Variants in CMC2 observed in about 807,000 individuals in gnomAD.
CMC2 encodes C-X9-C motif containing 2.
CMC2 carries 5 observed loss-of-function variants against 7.5 expected under a neutral mutation model. That is an observed-to-expected ratio of 0.66 (90% CI 0.35 to 1.40). The LOEUF (loss-of-function observed/expected upper bound fraction) is 1.40, where lower values mean the gene tolerates loss of function less well. Among genes scored for constraint, CMC2 ranks in the 40% most tolerant of loss-of-function variants. The probability of loss-of-function intolerance (pLI) is 0.04; values close to 1 mark genes in which losing one functional copy is unlikely to be tolerated. For missense variants in CMC2, 115 were observed against 92.3 expected (o/e 1.25, Z -1.01); for synonymous variants, 37 against 31.4 (o/e 1.18, Z -0.60).
rs7185393 is a variant in CMC2 at position 80,967,501 on chromosome 16, G to C, written c.*8592C>G. On this transcript the variant is annotated 3_prime_UTR_variant, in exon 4 of 4. Transcript: ENST00000219400. Reference sequence around the variant, plus strand: ...ACTACAGGCGCCCACTACCACGCCCGGATAATTTTTTGTATTTTTAGTAGA... The same window carrying C: ...ACTACAGGCGCCCACTACCACGCCCCGATAATTTTTTGTATTTTTAGTAGA... 1.3e-5 allele frequency: 2 copies of C among 152,028 alleles called. No homozygotes were observed. Among genetic ancestry groups the C allele is most frequent in the Admixed American group, 6.5e-5 (1 of 15,274 alleles). 9.4% of individuals were successfully genotyped at this position (152,028 alleles called of 1,614,324 possible). A position where few individuals can be genotyped will look rare whatever the true frequency, so the allele number is the denominator to read the frequency against.
chr16:80,997,378 G>T lies in CMC2; in HGVS notation c.17C>A (p.Ser6Tyr). The change falls in exon 2 of 4, where the codon TCT (serine) becomes TAT (tyrosine). Residue 6 changes from serine (S) to tyrosine (Y), a missense_variant. By Grantham distance (144) the Ser-to-Tyr change is moderately radical. Transcript: ENST00000219400. MHPDL[S>Y]PHLHTEECNV... is the part of the protein sequence containing the mutation. ...GCATTCTTCAGTGTGCAAGTGTGGA[G>T]ATAAGTCAGGATGCATCTTTAGGAG... is the stretch of plus-strand genomic sequence containing the variant. The T allele has an allele frequency of 6.2e-7, 1 of 1,612,258 alleles. No homozygotes were observed. The highest frequency in any genetic ancestry group is 1.3e-5 in the African/African-American group (1 of 74,990).
chr16:81,005,217 T>C lies in CMC2; in HGVS notation c.-36+1517A>G, dbSNP rs527389169. Among the ~76,000 whole-genome samples, 445 of 152,274 alleles carry C rather than the reference T, an allele frequency of 2.9e-3. 1 individual carries two copies. The highest frequency in any genetic ancestry group is 4.7e-3 in the Non-Finnish European group (321 of 68,016). On this transcript the variant is annotated intron_variant, in intron 1 of 3. Transcript: ENST00000219400. ...GCCGAGGCAGGCAGATCACTTGAGG[T>C]CAGGACAAGCCTGGCCAACATGGTG...
chr16:80,997,877 A>T (rs1459117753), intron 1 of CMC2: 1 of 152,224 alleles, frequency 6.6e-6, no homozygotes, highest in African/African-American at 2.4e-5. Context: ...TATTAGTGTG[A>T]ATATAGATTG....
rs553839185 is a variant in CMC2, at chr16:80,970,073, G to A, written c.*6020C>T. 6.6e-6 allele frequency: 1 copy of A among 152,128 alleles called. No individual in the cohort carries two copies. The highest frequency in any genetic ancestry group is 1.5e-5 in the Non-Finnish European group (1 of 68,012). The allele number at this position is 152,128 out of a possible 1,614,324, so 9.4% of individuals were successfully genotyped here. A position where few individuals can be genotyped will look rare whatever the true frequency, so the allele number is the denominator to read the frequency against. On this transcript the variant is annotated 3_prime_UTR_variant, in exon 4 of 4. Coordinates refer to ENST00000219400, the MANE Select transcript of CMC2 (RefSeq NM_020188.5). ...TTAAAAGGACAGTGTAGTAAGCAAT[G>A]ACAGACAGGTATTTAAATAACTTAC...
At chr16:80,994,418 C>A (rs1968244185) in intron 2 of CMC2, among the ~76,000 whole-genome samples, 1 of 80,844 alleles carries the variant, frequency 1.2e-5, no homozygotes, top group South Asian at 5.7e-4. Flanking sequence ...CTTTGAAACA[C>A]ATCCTAAAGG....
chr16:80,991,476 T>C (rs146786058), intron 2 of CMC2, among the ~76,000 whole-genome samples: 147 of 151,998 alleles, frequency 9.7e-4, no homozygotes, highest in Non-Finnish European at 1.8e-3. Context: ...TCTCTACAAA[T>C]ATACAAATAC....
chr16:80,971,552 CATACATACATTTTAT>C lies in CMC2; in HGVS notation c.*4526_*4540del, dbSNP rs1911914092. 2 of 108,564 alleles carry C rather than the reference CATACATACATTTTAT, an allele frequency of 1.8e-5. No individual in the cohort carries two copies. Among genetic ancestry groups the C allele is most frequent in the East Asian group, 2.5e-4 (1 of 3,930 alleles). 6.7% of individuals were successfully genotyped at this position (108,564 alleles called of 1,614,324 possible). On this transcript the variant is annotated 3_prime_UTR_variant, in exon 4 of 4. Coordinates refer to ENST00000219400, the MANE Select transcript of CMC2 (RefSeq NM_020188.5). The stretch of plus-strand genomic sequence containing the variant: ...AATAAAATATGGCTATGGATACTGA[CATACATACATTTTAT>C]ATATATATATATATATATGTATGAA...
chr16:80,986,612 A>T lies in CMC2; in HGVS notation c.82-4735T>A, dbSNP rs528844132. Among the ~76,000 whole-genome samples the T allele has an allele frequency of 3.8e-4, 58 of 152,366 alleles. 1 individual carries two copies. The highest frequency in any genetic ancestry group is 5.8e-4 in the East Asian group (3 of 5,192). On this transcript the variant is annotated intron_variant, in intron 2 of 3. Coordinates refer to ENST00000219400, the MANE Select transcript of CMC2 (RefSeq NM_020188.5). Reference sequence around the variant, plus strand: ...GGCCCCAATAAAAGTGTTGCCATGGACTATGGCAGTGGCACTGGCAAAGGA... The same window carrying T: ...GGCCCCAATAAAAGTGTTGCCATGGTCTATGGCAGTGGCACTGGCAAAGGA...
chr16:80,976,215 G>T (rs1912326846), intron 3 of CMC2, 36 bp from the exon 4 acceptor site: 1 of 1,113,218 alleles, frequency 9.0e-7, no homozygotes. Flanking sequence ...AAAAGAAACA[G>T]CAGATTATGT....
In CMC2 at chr16:80,972,624, A is replaced by C. The variant is rs1226129520; in HGVS notation, c.*3469T>G. ...ATTAATTCACTGTCACCAGAGCATCAAGGTTCACAACATTCTGCAAAACTA... is the reference window on the plus strand; with the variant it reads ...ATTAATTCACTGTCACCAGAGCATCCAGGTTCACAACATTCTGCAAAACTA... On this transcript the variant is annotated 3_prime_UTR_variant, in exon 4 of 4. Transcript: ENST00000219400. 6.6e-6 allele frequency: 1 copy of C among 152,222 alleles called. No homozygotes were observed. Among genetic ancestry groups the C allele is most frequent in the Non-Finnish European group, 1.5e-5 (1 of 68,042 alleles). The allele number at this position is 152,222 out of a possible 1,614,324, so 9.4% of individuals were successfully genotyped here. A position where few individuals can be genotyped will look rare whatever the true frequency, so the allele number is the denominator to read the frequency against.
rs1911890004 is a variant in CMC2 at position 80,971,249 on chromosome 16, A to T, written c.*4844T>A. 6.6e-6 allele frequency: 1 copy of T among 152,306 alleles called. No homozygotes were observed. The highest frequency in any genetic ancestry group is 6.5e-5 in the Admixed American group (1 of 15,290). The allele number at this position is 152,306 out of a possible 1,614,324, so 9.4% of individuals were successfully genotyped here. A position where few individuals can be genotyped will look rare whatever the true frequency, so the allele number is the denominator to read the frequency against. On this transcript the variant is annotated 3_prime_UTR_variant, in exon 4 of 4. Transcript: ENST00000219400. ...CTTACAGCCCAATAATTAAAATCCTAGGTTTATACCTAAAAACACTCTCCC... is the reference window on the plus strand; with the variant it reads ...CTTACAGCCCAATAATTAAAATCCTTGGTTTATACCTAAAAACACTCTCCC...
chr16:80,986,259 A>G (rs1967525812), intron 2 of CMC2, among the ~76,000 whole-genome samples: 1 of 152,188 alleles, frequency 6.6e-6, no homozygotes, highest in Non-Finnish European at 1.5e-5. Context: ...CTGAGGCAGG[A>G]GAATCGCTTG....
Position 80,971,661 on chromosome 16 carries a change from T to G in CMC2, c.*4432A>C, listed in dbSNP as rs1201788865. 1 of 149,658 alleles carries G rather than the reference T, an allele frequency of 6.7e-6. No individual in the cohort carries two copies. Among genetic ancestry groups the G allele is most frequent in the Non-Finnish European group, 1.5e-5 (1 of 67,716 alleles). 9.3% of individuals were successfully genotyped at this position (149,658 alleles called of 1,614,324 possible). ...AATATATCAAAGTCAGGGTAGTAGT[T>G]ACCACCAATAAAGAAATAAGTGGAA... On this transcript the variant is annotated 3_prime_UTR_variant, in exon 4 of 4. Transcript: ENST00000219400.
rs746677657 is a variant in CMC2, at chr16:80,976,110, C to T, written c.223G>A (p.Glu75Lys). The T allele has an allele frequency of 6.2e-7, 1 of 1,603,410 alleles. No individual in the cohort carries two copies. The highest frequency in any genetic ancestry group is 1.1e-5 in the South Asian group (1 of 90,826). Reference protein sequence around the residue: ...AMRKKLFNPPEESEK With the variant: ...AMRKKLFNPPKESEK ...AATACAATTTATTTTTCGGATTCCT[C>T]TGGAGGATTAAAAAGTTTCTTTCGC... Residue 75 changes from glutamate (E) to lysine (K), a missense_variant, in exon 4 of 4, where the codon GAG (glutamate) becomes AAG (lysine). Coordinates refer to ENST00000219400, the MANE Select transcript of CMC2 (RefSeq NM_020188.5).
intron 3 of CMC2, chr16:80,978,094 T>TG (rs1912654455): frequency 5.6e-6 from 1 of 179,396 alleles, no homozygotes. Flanking sequence ...TACTTTAAAT[T>TG]ACACATGAAG....
At chr16:80,991,499 G>A (rs1044346453) in intron 2 of CMC2, among the ~76,000 whole-genome samples, 3 of 151,964 alleles carry the variant, frequency 2.0e-5, no homozygotes, top group Admixed American at 6.6e-5. Flanking sequence ...AAAATTATTC[G>A]AGCATGGTGA....
Position 80,993,164 on chromosome 16 carries a change from C to T in CMC2, c.81+4150G>A, listed in dbSNP as rs368483198. Among the ~76,000 whole-genome samples, 3 of 152,166 alleles carry T rather than the reference C, an allele frequency of 2.0e-5. No individual in the cohort carries two copies. The East Asian group carries it at 5.8e-4, about 29-fold the overall frequency. On this transcript the variant is annotated intron_variant, in intron 2 of 3. Coordinates refer to ENST00000219400, the MANE Select transcript of CMC2 (RefSeq NM_020188.5). Reference sequence around the variant, plus strand: ...GCTATTTACTTAAAAATCTATTTTCCAGACTTCTGCTTCTAGCCATGAAAG... The same window carrying T: ...GCTATTTACTTAAAAATCTATTTTCTAGACTTCTGCTTCTAGCCATGAAAG...
Position 80,996,107 on chromosome 16 carries a change from G to A in CMC2, c.81+1207C>T, listed in dbSNP as rs1481878521. On this transcript the variant is annotated intron_variant, in intron 2 of 3. Transcript: ENST00000219400. ...AACATAAAACAAAGATTACTTAAAA[G>A]CAAGGGTTGAAAAACTCTGCCCCTT... Among the ~76,000 whole-genome samples, 5 of 151,906 alleles carry A rather than the reference G, an allele frequency of 3.3e-5. No homozygotes were observed. The South Asian group carries it at 1.0e-3, about 31-fold the overall frequency.
intron 2 of CMC2, among the ~76,000 whole-genome samples, chr16:80,996,310 C>G (rs1232721716): frequency 6.6e-6 from 1 of 152,224 alleles, no homozygotes; most frequent in Non-Finnish European, 1.5e-5. Flanking sequence ...GCCAGACCCT[C>G]TCCCCTTTTC....
Sources: allele counts gnomAD v4.1 joint callset (sites outside exome capture counted in the v4.1 genomes callset), GRCh38; gene constraint gnomAD v4.1.1; transcripts MANE v1.5; gene names NCBI Gene and HGNC (gene_info 2026-07-23, HGNC 2026-07-21).